Variants in CAMSAP3 observed in about 807,000 individuals in gnomAD.
CAMSAP3 encodes the protein calmodulin-regulated spectrin-associated protein 3.
In CAMSAP3, 34 loss-of-function variants were observed where a neutral mutation model predicts 112.5. That is an observed-to-expected ratio of 0.30 (90% CI 0.23 to 0.40). The LOEUF is 0.40. CAMSAP3 is among the 10% of genes least tolerant of loss of function. The probability of loss-of-function intolerance (pLI) is 1.00; values close to 1 mark genes in which losing one functional copy is unlikely to be tolerated. For synonymous variants in CAMSAP3, 868 were observed against 799.8 expected (o/e 1.09, Z -1.44); for missense variants, 1,602 against 1,770.3 (o/e 0.90, Z 1.71).
In CAMSAP3 at chr19:7,618,275, C is replaced by A. The variant is rs528194829; in HGVS notation, c.*218C>A. 8.9e-6 allele frequency: 5 copies of A among 559,450 alleles called. No homozygotes were observed. Among genetic ancestry groups the A allele is most frequent in the East Asian group, 2.9e-5 (1 of 34,164 alleles). 34.7% of individuals were successfully genotyped at this position (559,450 alleles called of 1,614,324 possible). ...CTCAGTCCCCTTGTCTGTCCTCCCC[C>A]ACTTCTTGAATAAAATAATTTAAAG... On this transcript the variant is annotated 3_prime_UTR_variant, in exon 17 of 17. Coordinates refer to ENST00000160298, the MANE Select transcript of CAMSAP3 (RefSeq NM_020902.2).
intron 1 of CAMSAP3, among the ~76,000 whole-genome samples, chr19:7,599,697 C>T (rs1403190246): frequency 4.7e-5 from 4 of 85,650 alleles, no homozygotes; most frequent in East Asian, 7.8e-4. Context: ...CATCCACCCA[C>T]GCACTCATCC....
Position 7,617,303 on chromosome 19 carries a change from A to C in CAMSAP3, c.3213-23A>C. 1 of 1,562,574 alleles carries C rather than the reference A, an allele frequency of 6.4e-7. No individual in the cohort carries two copies. Among genetic ancestry groups the C allele is most frequent in the South Asian group, 1.1e-5 (1 of 90,072 alleles). Reference sequence around the variant, plus strand: ...TCCATCCCATCCTGACCCCACCTCCATCCCATCCTTCTCCCACTGCAGGGC... The same window carrying C: ...TCCATCCCATCCTGACCCCACCTCCCTCCCATCCTTCTCCCACTGCAGGGC... On this transcript the variant is annotated intron_variant, in intron 14 of 16. Transcript: ENST00000160298. The surrounding 1 kb of genome is among the most constrained non-coding windows in gnomAD (Gnocchi z 7.5).
At position 7,605,416 on chromosome 19, in the gene CAMSAP3, A is replaced by G; in HGVS notation, c.339A>G (p.Thr113=). 1 of 1,488,974 alleles carries G rather than the reference A, an allele frequency of 6.7e-7. No individual in the cohort carries two copies. Among genetic ancestry groups the G allele is most frequent in the Non-Finnish European group, 9.0e-7 (1 of 1,115,456 alleles). The allele number at this position is 1,488,974 out of a possible 1,614,324, so 92.2% of individuals were successfully genotyped here. A position where few individuals can be genotyped will look rare whatever the true frequency, so the allele number is the denominator to read the frequency against. Residue 113 remains threonine, a synonymous_variant, in exon 2 of 17, where the codon ACA becomes ACG. Coordinates refer to ENST00000160298, the MANE Select transcript of CAMSAP3 (RefSeq NM_020902.2). ...ALLALLARRG[T]VPALPERPVR... ...TGGCCCTGCTGGCGCGGAGGGGCAC[A>G]GTGCCTGCTTTGCCCGAGCGCCCGG... is the stretch of plus-strand genomic sequence containing the variant.
Position 7,613,137 on chromosome 19 carries a change from C to CGGGTGG in CAMSAP3, c.2647_2652dup (p.Val883_Gly884dup). On this transcript the variant is annotated inframe_insertion, in exon 11 of 17. Coordinates refer to ENST00000160298, the MANE Select transcript of CAMSAP3 (RefSeq NM_020902.2). ...GGAGGCGTCTTCGGAGGGGGAGCCC[C>CGGGTGG]GGGTGGGGCTGGGGTTCTTCTACAA... 3.1e-6 allele frequency: 4 copies of CGGGTGG among 1,277,128 alleles called. No individual in the cohort carries two copies. The highest frequency in any genetic ancestry group is 4.0e-6 in the Non-Finnish European group (4 of 990,916). The allele number at this position is 1,277,128 out of a possible 1,614,324, so 79.1% of individuals were successfully genotyped here.
At position 7,612,692 on chromosome 19, in the gene CAMSAP3, C is replaced by G. The variant is rs1278765112; in HGVS notation, c.2199C>G (p.Ala733=). The change falls in exon 11 of 17, where the codon GCC becomes GCG. Residue 733 remains alanine (A), a synonymous_variant. Coordinates refer to ENST00000160298, the MANE Select transcript of CAMSAP3 (RefSeq NM_020902.2). The part of the protein sequence containing the change: ...QQQRLLAPPE[A]PGSAPPPAAW... ...AGCGGCTCCTGGCCCCGCCCGAGGC[C>G]CCCGGATCCGCCCCACCACCTGCTG... 6.6e-7 allele frequency: 1 copy of G among 1,516,762 alleles called. No individual in the cohort carries two copies. Among genetic ancestry groups the G allele is most frequent in the Admixed American group, 2.0e-5 (1 of 48,988 alleles). The allele number at this position is 1,516,762 out of a possible 1,614,324, so 94.0% of individuals were successfully genotyped here. A position where few individuals can be genotyped will look rare whatever the true frequency, so the allele number is the denominator to read the frequency against.
chr19:7,604,006 G>C (rs571661755), intron 1 of CAMSAP3, among the ~76,000 whole-genome samples: 1 of 152,140 alleles, frequency 6.6e-6, no homozygotes, highest in Non-Finnish European at 1.5e-5. Context: ...TGGCAGCATC[G>C]CACCTGTAAT....
intron 5 of CAMSAP3, 137 bp downstream of exon 5, chr19:7,608,401 G>C: frequency 9.6e-7 from 1 of 1,046,638 alleles, no homozygotes; most frequent in Non-Finnish European, 1.4e-6. Context: ...GGAACTGGCA[G>C]GCCTGAGTTT....
intron 1 of CAMSAP3, among the ~76,000 whole-genome samples, chr19:7,601,340 A>G (rs758185747): frequency 2.6e-5 from 4 of 151,676 alleles, no homozygotes; most frequent in Non-Finnish European, 4.4e-5. Context: ...TCTTTTTGAG[A>G]CAGCATCTTG....
chr19:7,607,883 G>C lies in CAMSAP3; in HGVS notation c.622-243G>C. 5 of 1,047,032 alleles carry C rather than the reference G, an allele frequency of 4.8e-6. No individual in the cohort carries two copies. The highest frequency in any genetic ancestry group is 2.3e-4 in the Middle Eastern group (1 of 4,420). The allele number at this position is 1,047,032 out of a possible 1,614,324, so 64.9% of individuals were successfully genotyped here. On this transcript the variant is annotated intron_variant, in intron 4 of 16. Transcript: ENST00000160298. The surrounding 1 kb of genome is among the most constrained non-coding windows in gnomAD (Gnocchi z 4.9). ...AACCCCCCATGGTAATGTATCCCCC[G>C]CCCCGGGGTCCCAGGAGTCCCTGTC...
intron 13 of CAMSAP3, 46 bp from the exon 14 acceptor site, chr19:7,616,477 G>A (rs772940487): frequency 3.0e-6 from 4 of 1,345,934 alleles, no homozygotes; most frequent in Admixed American, 1.7e-5. Context: ...GTGTTGTGGA[G>A]GGCAGGGGCT....
rs2146178608 is a variant in CAMSAP3, at chr19:7,617,292, A to T, written c.3213-34A>T. On this transcript the variant is annotated intron_variant, in intron 14 of 16. Transcript: ENST00000160298. This position sits in a 1 kb window ranked among gnomAD's most constrained non-coding sequence, Gnocchi z 7.5. ...CTGACCCCACCTCCATCCCATCCTGACCCCACCTCCATCCCATCCTTCTCC... is the reference window on the plus strand; with the variant it reads ...CTGACCCCACCTCCATCCCATCCTGTCCCCACCTCCATCCCATCCTTCTCC... 1 of 1,489,190 alleles carries T rather than the reference A, an allele frequency of 6.7e-7. No individual in the cohort carries two copies. Among genetic ancestry groups the T allele is most frequent in the East Asian group, 2.3e-5 (1 of 44,204 alleles). 92.2% of individuals were successfully genotyped at this position (1,489,190 alleles called of 1,614,324 possible). A position where few individuals can be genotyped will look rare whatever the true frequency, so the allele number is the denominator to read the frequency against.
intron 11 of CAMSAP3, among the ~76,000 whole-genome samples, chr19:7,613,770 C>T (rs1048033548): frequency 5.9e-5 from 9 of 152,068 alleles, no homozygotes; most frequent in African/African-American, 1.9e-4. Flanking sequence ...TTCACCCCCT[C>T]GCCCCCAGCA....
intron 1 of CAMSAP3, among the ~76,000 whole-genome samples, chr19:7,602,013 G>A (rs911164120): frequency 2.0e-5 from 3 of 151,908 alleles, no homozygotes; most frequent in African/African-American, 7.3e-5. Context: ...GCAGTGAGCC[G>A]AGATGGCACC....
rs754747174 is a variant in CAMSAP3, at chr19:7,610,882, T to TC, written c.1006dup (p.Arg336ProfsTer4). On this transcript the variant is annotated frameshift_variant, in exon 8 of 17. Transcript: ENST00000160298. LOFTEE classifies it high-confidence loss of function. This position sits in a 1 kb window ranked among gnomAD's most constrained non-coding sequence, Gnocchi z 4.9. ...CCCTCTTCTCTGTACTGCAGCTGCC[T>TC]CCCCCCGGGGCACTGAGGCCTCCCC... 6.3e-7 allele frequency: 1 copy of TC among 1,595,744 alleles called. No homozygotes were observed. Among genetic ancestry groups the TC allele is most frequent in the Non-Finnish European group, 8.5e-7 (1 of 1,171,480 alleles).
At position 7,615,552 on chromosome 19, in the gene CAMSAP3, AC is replaced by A. The variant is rs2030737570; in HGVS notation, c.2946del (p.Tyr982Ter). 1 of 1,525,360 alleles carries A rather than the reference AC, an allele frequency of 6.6e-7. No individual in the cohort carries two copies. The highest frequency in any genetic ancestry group is 8.8e-7 in the Non-Finnish European group (1 of 1,137,856). The allele number at this position is 1,525,360 out of a possible 1,614,324, so 94.5% of individuals were successfully genotyped here. On this transcript the variant is annotated frameshift_variant, in exon 13 of 17. Coordinates refer to ENST00000160298, the MANE Select transcript of CAMSAP3 (RefSeq NM_020902.2). LOFTEE classifies it high-confidence loss of function. This position sits in a 1 kb window ranked among gnomAD's most constrained non-coding sequence, Gnocchi z 6.5. ...AAGGGGGACTTCACGCGGCAGGAGT[AC>A]GAGCGCCGGGCCCAGCTGAAGCTGA... ...PRKGDFTRQE[Y>X]ERRAQLKLMD... is the part of the protein sequence containing the mutation.
rs1307615016 is a variant in CAMSAP3 at position 7,611,070 on chromosome 19, G to A, written c.1050-25G>A. Reference sequence around the variant, plus strand: ...GCGGAGGAGGAGGTGGGGGTCCTGAGGCTGAAGTACGTCTCTCCGTACAGT... The same window carrying A: ...GCGGAGGAGGAGGTGGGGGTCCTGAAGCTGAAGTACGTCTCTCCGTACAGT... On this transcript the variant is annotated intron_variant, in intron 8 of 16. Transcript: ENST00000160298. The surrounding 1 kb of genome is among the most constrained non-coding windows in gnomAD (Gnocchi z 6.9). The A allele has an allele frequency of 1.9e-6, 3 of 1,613,352 alleles. No homozygotes were observed. Among genetic ancestry groups the A allele is most frequent in the Non-Finnish European group, 2.5e-6 (3 of 1,179,602 alleles).
intron 1 of CAMSAP3, among the ~76,000 whole-genome samples, chr19:7,604,614 C>A (rs892305934): frequency 2.0e-5 from 3 of 152,108 alleles, no homozygotes; most frequent in African/African-American, 4.8e-5. Flanking sequence ...GCCCACCTCC[C>A]CTGCTCGCCT....
In CAMSAP3 at chr19:7,611,474, G is replaced by T; in HGVS notation, c.1124-43G>T. 6.5e-7 allele frequency: 1 copy of T among 1,550,218 alleles called. No individual in the cohort carries two copies. The highest frequency in any genetic ancestry group is 1.2e-5 in the South Asian group (1 of 82,034). ...CCAGATGCTGGCTGACCCCACTCAG[G>T]GTTCCCAGGGTCCCCATAGTGACCA... On this transcript the variant is annotated intron_variant, in intron 9 of 16. Transcript: ENST00000160298. This position sits in a 1 kb window ranked among gnomAD's most constrained non-coding sequence, Gnocchi z 6.9.
Position 7,617,266 on chromosome 19 carries a change from T to TCTGACCCCACCTCCATCCCATC in CAMSAP3, c.3213-35_3213-14dup, listed in dbSNP as rs1158825401. On this transcript the variant is annotated intron_variant, in intron 14 of 16. Transcript: ENST00000160298. This position sits in a 1 kb window ranked among gnomAD's most constrained non-coding sequence, Gnocchi z 7.5. ...TCTGCACATAGGGAAGCTTCCCATC[T>TCTGACCCCACCTCCATCCCATC]CTGACCCCACCTCCATCCCATCCTG... 1.3e-5 allele frequency: 16 copies of TCTGACCCCACCTCCATCCCATC among 1,224,270 alleles called. No individual in the cohort carries two copies. Among genetic ancestry groups the TCTGACCCCACCTCCATCCCATC allele is most frequent in the Admixed American group, 5.1e-5 (3 of 59,198 alleles). 75.8% of individuals were successfully genotyped at this position (1,224,270 alleles called of 1,614,324 possible).
Sources: allele counts gnomAD v4.1 joint callset (sites outside exome capture counted in the v4.1 genomes callset), GRCh38; gene constraint gnomAD v4.1.1; non-coding constraint Gnocchi (gnomAD v3.1); transcripts MANE v1.5; gene names NCBI Gene and HGNC (gene_info 2026-07-23, HGNC 2026-07-21).